Variants in HDAC9 observed in about 807,000 individuals in gnomAD.
HDAC9 encodes the protein MEF-2 interacting transcription repressor (MITR) protein.
Under a neutral mutation model 139.4 loss-of-function variants are expected in HDAC9, and 41 were observed. That is an observed-to-expected ratio of 0.29 (90% CI 0.23 to 0.38). HDAC9 has a LOEUF of 0.38. HDAC9 is among the 10% of genes least tolerant of loss of function. The pLI, the probability that HDAC9 is intolerant of heterozygous loss-of-function variation, is 1.00. For missense variants in HDAC9, 1,147 were observed against 1,297.0 expected (o/e 0.88, Z 1.78); for synonymous variants, 517 against 476.2 (o/e 1.09, Z -1.12).
intron 1 of HDAC9, among the ~76,000 whole-genome samples, chr7:18,328,190 A>G (rs1800617119): frequency 1.3e-5 from 2 of 151,952 alleles, no homozygotes; most frequent in Admixed American, 6.6e-5. Flanking sequence ...CTACACAGTA[A>G]TCTAAGGGTG....
At chr7:18,789,286 G>GCGCGCACACA (rs146066951) in intron 16 of HDAC9, among the ~76,000 whole-genome samples, 17,869 of 148,340 alleles carry the variant, frequency 0.12, 1,421 homozygotes, top group Non-Finnish European at 0.18. Flanking sequence ...ACACATACAC[G>GCGCGCACACA]CACACACACA....
chr7:18,703,035 A>G (rs981727083), intron 12 of HDAC9, among the ~76,000 whole-genome samples: 1 of 152,194 alleles, frequency 6.6e-6, no homozygotes, highest in Non-Finnish European at 1.5e-5. Context: ...GCTATAAGGA[A>G]TCAAGAGAAT....
intron 2 of HDAC9, among the ~76,000 whole-genome samples, chr7:18,278,411 C>T (rs1453138289): frequency 2.0e-5 from 3 of 152,202 alleles, no homozygotes; most frequent in African/African-American, 7.2e-5. Context: ...GGAAGAACTC[C>T]CTGGGAAGAG....
intron 1 of HDAC9, among the ~76,000 whole-genome samples, chr7:18,351,240 T>C (rs1484575597): frequency 2.6e-5 from 4 of 152,186 alleles, no homozygotes; most frequent in South Asian, 2.1e-4. Context: ...TTTACTTATA[T>C]AATTTTTATT....
chr7:18,659,939 C>T (rs1792599553), intron 11 of HDAC9, among the ~76,000 whole-genome samples: 1 of 152,138 alleles, frequency 6.6e-6, no homozygotes, highest in African/African-American at 2.4e-5. Context: ...AGTAAGCAGA[C>T]ATCTCCTCAC....
At chr7:18,995,972 T>G in intron 25 of HDAC9, 51 bp from the exon 26 acceptor site, 17 of 1,409,666 alleles carry the variant, frequency 1.2e-5, no homozygotes, top group Non-Finnish European at 1.6e-5. Flanking sequence ...AAATCTACAA[T>G]GTCATTGTGT....
chr7:18,246,590 G>C (rs535859513), intron 2 of HDAC9, among the ~76,000 whole-genome samples: 1 of 152,148 alleles, frequency 6.6e-6, no homozygotes, highest in African/African-American at 2.4e-5. Flanking sequence ...ATTTTGGGGA[G>C]GTGAAGAGGC....
At chr7:18,994,209 G>T (rs1786264654) in intron 25 of HDAC9, among the ~76,000 whole-genome samples, 1 of 152,100 alleles carries the variant, frequency 6.6e-6, no homozygotes. Context: ...GGATTCGGGG[G>T]AAAAGATTAT....
In HDAC9 at chr7:18,998,158, A is replaced by G. The variant is rs1289773934; in HGVS notation, c.*2096A>G. On this transcript the variant is annotated 3_prime_UTR_variant, in exon 26 of 26. Coordinates refer to ENST00000686413, the MANE Select transcript of HDAC9 (RefSeq NM_178425.4). ...GGAAACTCATGTTTTAATTAGAAAA[A>G]TAATTGTGTAGTTTTAAAATCAACT... 1 of 152,210 alleles carries G rather than the reference A, an allele frequency of 6.6e-6. No homozygotes were observed. The highest frequency in any genetic ancestry group is 1.5e-5 in the Non-Finnish European group (1 of 68,018). The allele number at this position is 152,210 out of a possible 1,614,324, so 9.4% of individuals were successfully genotyped here. A position where few individuals can be genotyped will look rare whatever the true frequency, so the allele number is the denominator to read the frequency against.
intron 22 of HDAC9, among the ~76,000 whole-genome samples, chr7:18,916,018 G>A (rs1276095550): frequency 1.9e-5 from 1 of 53,140 alleles, no homozygotes; most frequent in Non-Finnish European, 3.5e-5. Flanking sequence ...CTCACCCCCC[G>A]CTGGAAAAAA....
rs748638185 is a variant in HDAC9 at position 19,000,265 on chromosome 7, T to G, written c.*4203T>G. 1 of 152,236 alleles carries G rather than the reference T, an allele frequency of 6.6e-6. No homozygotes were observed. The highest frequency in any genetic ancestry group is 2.4e-5 in the African/African-American group (1 of 41,464). The allele number at this position is 152,236 out of a possible 1,614,324, so 9.4% of individuals were successfully genotyped here. A position where few individuals can be genotyped will look rare whatever the true frequency, so the allele number is the denominator to read the frequency against. ...CATGTGCTGCCTTTGGAATAAAGTATTATAATGTATCTTGTCACCTTCATC... is the reference window on the plus strand; with the variant it reads ...CATGTGCTGCCTTTGGAATAAAGTAGTATAATGTATCTTGTCACCTTCATC... On this transcript the variant is annotated 3_prime_UTR_variant, in exon 26 of 26. Transcript: ENST00000686413.
At chr7:18,765,262 C>G (rs571030660) in intron 15 of HDAC9, among the ~76,000 whole-genome samples, 1 of 152,060 alleles carries the variant, frequency 6.6e-6, no homozygotes, top group Middle Eastern at 3.4e-3. Context: ...ATAAAACTCT[C>G]CCAAGTAGGA....
chr7:18,486,180 G>T (rs948690273), intron 1 of HDAC9, among the ~76,000 whole-genome samples: 4 of 152,022 alleles, frequency 2.6e-5, no homozygotes, highest in Non-Finnish European at 5.9e-5. Context: ...ACCTCCTAAA[G>T]GTCTCACTTC....
At chr7:18,451,375 G>A (rs368047029) in intron 1 of HDAC9, among the ~76,000 whole-genome samples, 57 of 125,994 alleles carry the variant, frequency 4.5e-4, no homozygotes, top group Middle Eastern at 4.3e-3. Flanking sequence ...GTGCGTGTGT[G>A]TGTGTGTGTG....
chr7:18,412,915 T>C (rs1788706957), intron 1 of HDAC9, among the ~76,000 whole-genome samples: 1 of 152,226 alleles, frequency 6.6e-6, no homozygotes, highest in Admixed American at 6.5e-5. Context: ...ATATTGATTT[T>C]AAAAACTTTA....
chr7:18,580,174 A>C (rs1296095186), intron 2 of HDAC9, among the ~76,000 whole-genome samples: 1 of 152,230 alleles, frequency 6.6e-6, no homozygotes, highest in Non-Finnish European at 1.5e-5. Context: ...GTGAATGTTC[A>C]TGTTCATGCT....
At chr7:18,211,623 A>G (rs181512223) in intron 2 of HDAC9, among the ~76,000 whole-genome samples, 1 of 152,328 alleles carries the variant, frequency 6.6e-6, no homozygotes, top group East Asian at 1.9e-4. Flanking sequence ...ATCTGGAGAT[A>G]ACTAGGTAAA....
At chr7:18,591,158 A>G in intron 4 of HDAC9, among the ~76,000 whole-genome samples, 1 of 152,212 alleles carries the variant, frequency 6.6e-6, no homozygotes, top group African/African-American at 2.4e-5. Flanking sequence ...CTAATCCCTC[A>G]AGATAACTTG....
chr7:18,205,284 A>G (rs1361534868), intron 2 of HDAC9, among the ~76,000 whole-genome samples: 1 of 151,976 alleles, frequency 6.6e-6, no homozygotes, highest in East Asian at 1.9e-4. Context: ...TTCAAATTAG[A>G]TATAAAAATA....
Sources: gnomAD v4.1 joint callset for allele counts (sites outside exome capture counted in the v4.1 genomes callset) on GRCh38, gnomAD v4.1.1 for gene constraint, MANE v1.5 for transcripts, NCBI Gene and HGNC (gene_info 2026-07-23, HGNC 2026-07-21) for gene names.